GALNT2: variants seen among roughly 807,000 people sequenced by gnomAD.
The protein encoded by GALNT2 is polypeptide N-acetylgalactosaminyltransferase 2, also known as UDP-GalNAc:polypeptide N-acetylgalactosaminyltransferase 2.
Under a neutral mutation model 81.4 loss-of-function variants are expected in GALNT2, and 31 were observed. The observed-to-expected ratio is 0.38, with a 90% CI of 0.29 to 0.51. The LOEUF (loss-of-function observed/expected upper bound fraction) is 0.51, where lower values mean the gene tolerates loss of function less well. Among genes scored for constraint, GALNT2 ranks in the 20% least tolerant of loss-of-function variants. The pLI is 0.87. For synonymous variants in GALNT2, 303 were observed against 287.4 expected, an observed-to-expected ratio of 1.05 and a Z score of -0.55; for missense variants, 629 against 765.7, an observed-to-expected ratio of 0.82 and a Z score of 2.11.
At chr1:230,239,269 C>T (rs2102738283) in intron 6 of GALNT2, among the ~76,000 whole-genome samples, 1 of 152,142 alleles carries the variant, frequency 6.6e-6, no homozygotes, top group Middle Eastern at 3.4e-3. Context: ...TTAGGATTCT[C>T]CAAAAGGACA....
intron 1 of GALNT2, among the ~76,000 whole-genome samples, chr1:230,135,374 G>T (rs61825401): frequency 0.14 from 20,974 of 152,058 alleles, 1,477 homozygotes; most frequent in South Asian, 0.23. Context: ...TGCGATGCAT[G>T]TTTCAGAAGA....
intron 3 of GALNT2, among the ~76,000 whole-genome samples, chr1:230,223,770 C>T (rs953242328): frequency 2.6e-5 from 4 of 152,160 alleles, no homozygotes; most frequent in South Asian, 2.1e-4. Context: ...TGTGCCTAGC[C>T]GAAAAGTTCG....
At chr1:230,234,708 A>C (rs1445415491) in intron 3 of GALNT2, among the ~76,000 whole-genome samples, 1 of 152,192 alleles carries the variant, frequency 6.6e-6, no homozygotes, top group Non-Finnish European at 1.5e-5. Context: ...TGTTTCTAGA[A>C]GTCCTCGTGG....
chr1:230,120,862 C>T (rs986962120), intron 1 of GALNT2, among the ~76,000 whole-genome samples: 24 of 152,184 alleles, frequency 1.6e-4, no homozygotes, highest in African/African-American at 2.4e-4. Context: ...TGCTTCCACC[C>T]CTTGGATAAA....
intron 11 of GALNT2, among the ~76,000 whole-genome samples, chr1:230,260,096 C>T (rs962700831): frequency 6.6e-6 from 1 of 152,190 alleles, no homozygotes; most frequent in Non-Finnish European, 1.5e-5. Context: ...AAGGCAGTTT[C>T]GTCACTATCT....
At position 230,074,072 on chromosome 1, in the gene GALNT2, C is replaced by T. The variant is rs568142001; in HGVS notation, c.126+6666C>T. Among the ~76,000 whole-genome samples, 3 of 148,466 alleles carry T rather than the reference C, an allele frequency of 2.0e-5. No individual in the cohort carries two copies. In the East Asian group the frequency reaches 6.0e-4, roughly 30 times the overall value. On this transcript the variant is annotated intron_variant, in intron 1 of 15. Coordinates refer to ENST00000366672, the MANE Select transcript of GALNT2 (RefSeq NM_004481.5). The stretch of plus-strand genomic sequence containing the variant: ...GTTGCTCTGGTTCAGTTTCTTAACT[C>T]TGGCACCATTGACATTTTTGGCTGG...
chr1:230,119,585 A>C (rs1571983662), intron 1 of GALNT2, among the ~76,000 whole-genome samples: 1 of 152,230 alleles, frequency 6.6e-6, no homozygotes, highest in South Asian at 2.1e-4. Flanking sequence ...GTAACATTTT[A>C]ATTCTATCTG....
At chr1:230,185,737 A>G (rs986356322) in intron 2 of GALNT2, among the ~76,000 whole-genome samples, 2 of 152,196 alleles carry the variant, frequency 1.3e-5, no homozygotes, top group African/African-American at 4.8e-5. Flanking sequence ...ATGAGGGGAT[A>G]TTTCTTCAAT....
upstream of GALNT2, among the ~76,000 whole-genome samples, chr1:230,064,256 C>T (rs114732686): frequency 9.6e-3 from 1,460 of 152,258 alleles, 21 homozygotes; most frequent in African/African-American, 0.034. Context: ...CCTTCTCCTC[C>T]AGTTGTCTTT....
intron 3 of GALNT2, among the ~76,000 whole-genome samples, chr1:230,206,996 C>G (rs1014998552): frequency 3.3e-5 from 5 of 151,738 alleles, no homozygotes; most frequent in African/African-American, 1.2e-4. Flanking sequence ...CTTCCCGTCC[C>G]CCTTTCCTGC....
rs561565168 is a variant in GALNT2 at position 230,138,217 on chromosome 1, G to A, written c.127-40001G>A. 1.9e-4 allele frequency among the ~76,000 whole-genome samples: 29 copies of A among 152,210 alleles called. No homozygotes were observed. The South Asian group carries it at 4.1e-3, about 22-fold the overall frequency. ...TGAGTCCATGGAGTAAAGTGAAAGC[G>A]AGTTTATTAAGAAAATAAACAGGGC... On this transcript the variant is annotated intron_variant, in intron 1 of 15. Transcript: ENST00000366672.
intron 1 of GALNT2, among the ~76,000 whole-genome samples, chr1:230,090,914 C>T (rs1353896799): frequency 6.6e-6 from 1 of 152,078 alleles, no homozygotes; most frequent in Admixed American, 6.5e-5. Context: ...TTAGTTCCAT[C>T]TAGGAGTTAT....
intron 1 of GALNT2, among the ~76,000 whole-genome samples, chr1:230,117,277 C>G (rs1234830874): frequency 6.6e-6 from 1 of 152,232 alleles, no homozygotes; most frequent in Non-Finnish European, 1.5e-5. Context: ...AATGCTGCAG[C>G]TCATTTGATC....
chr1:230,071,916 T>C (rs1446834375), intron 1 of GALNT2, among the ~76,000 whole-genome samples: 2 of 152,176 alleles, frequency 1.3e-5, no homozygotes, highest in East Asian at 3.9e-4. Flanking sequence ...AGTGCAAAAG[T>C]AACGAGCTCT....
chr1:230,061,191 GATGTGT>G (rs768363292), intron 1 of GALNT2, among the ~76,000 whole-genome samples: 1 of 67,284 alleles, frequency 1.5e-5, no homozygotes, highest in South Asian at 6.3e-4. Flanking sequence ...TATGAGCATA[GATGTGT>G]GTGTGTGTGT....
At chr1:230,136,612 G>A (rs1661552550) in intron 1 of GALNT2, among the ~76,000 whole-genome samples, 1 of 152,164 alleles carries the variant, frequency 6.6e-6, no homozygotes, top group African/African-American at 2.4e-5. Flanking sequence ...CACACACTCC[G>A]CAGCGGCTCT....
At chr1:230,202,517 G>A (rs1228380269) in intron 2 of GALNT2, among the ~76,000 whole-genome samples, 3 of 152,196 alleles carry the variant, frequency 2.0e-5, no homozygotes, top group African/African-American at 4.8e-5. Context: ...GGTATGATGT[G>A]TGTGTTAGGA....
At chr1:230,110,575 A>T (rs1179511845) in intron 1 of GALNT2, among the ~76,000 whole-genome samples, 3 of 152,178 alleles carry the variant, frequency 2.0e-5, no homozygotes, top group African/African-American at 4.8e-5. Flanking sequence ...TGTAACCAGA[A>T]CACTTAGAAT....
At chr1:230,117,315 C>T (rs1475137363) in intron 1 of GALNT2, among the ~76,000 whole-genome samples, 3 of 152,238 alleles carry the variant, frequency 2.0e-5, no homozygotes, top group African/African-American at 4.8e-5. Context: ...ACACCTTCTC[C>T]GTATCAGCAA....
Sources: gnomAD v4.1 joint callset for allele counts (sites outside exome capture counted in the v4.1 genomes callset) on GRCh38, gnomAD v4.1.1 for gene constraint, MANE v1.5 for transcripts, NCBI Gene and HGNC (gene_info 2026-07-23, HGNC 2026-07-21) for gene names.